Variants in MRTFA observed in about 807,000 individuals in gnomAD.
MRTFA encodes myocardin-related transcription factor A.
Under a neutral mutation model 83.5 loss-of-function variants are expected in MRTFA, and 20 were observed. The ratio of observed to expected loss-of-function variants is 0.24; its 90% CI spans 0.17 to 0.35. The LOEUF is 0.35. MRTFA is among the 10% of genes least tolerant of loss of function. The probability of loss-of-function intolerance (pLI) is 1.00; values close to 1 mark genes in which losing one functional copy is unlikely to be tolerated. For missense variants in MRTFA, 1,200 were observed against 1,224.7 expected (o/e 0.98, Z 0.30); for synonymous variants, 659 against 541.2 (o/e 1.22, Z -3.02).
At chr22:40,585,629 T>C (rs2056016831) in intron 2 of MRTFA, among the ~76,000 whole-genome samples, 1 of 152,136 alleles carries the variant, frequency 6.6e-6, no homozygotes, top group South Asian at 2.1e-4. Flanking sequence ...GAAGACAACA[T>C]GACCAGAATA....
chr22:40,461,092 T>C (rs2053701930), intron 4 of MRTFA, among the ~76,000 whole-genome samples: 1 of 150,762 alleles, frequency 6.6e-6, no homozygotes, highest in East Asian at 2.0e-4. Context: ...CCCAGGGCTA[T>C]TCAGGAGGCT....
intron 1 of MRTFA, among the ~76,000 whole-genome samples, chr22:40,632,517 C>T (rs1209730634): frequency 2.0e-5 from 3 of 152,038 alleles, no homozygotes; most frequent in African/African-American, 7.2e-5. Context: ...CTCACTGCAA[C>T]CTCCGCCTCC....
chr22:40,420,544 G>C lies in MRTFA; in HGVS notation c.1214C>G (p.Thr405Ser), dbSNP rs149008596. Residue 405 changes from threonine to serine, a missense_variant, in exon 11 of 15, where the codon ACC becomes AGC. This residue lies in a region of MRTFA where 1,107 missense variants were observed against 1,041.8 expected (regional missense o/e 1.06). Coordinates refer to ENST00000355630, the MANE Select transcript of MRTFA (RefSeq NM_020831.6). ...AGTGGAGAGGCTGCGTACTGGGGGG[G>C]TCCCGCTGCTTCCCAGGGCCTCGCC... 6.2e-7 allele frequency: 1 copy of C among 1,613,624 alleles called. No individual in the cohort carries two copies. Among genetic ancestry groups the C allele is most frequent in the Non-Finnish European group, 8.5e-7 (1 of 1,180,016 alleles).
chr22:40,453,856 T>A (rs2053539267), intron 4 of MRTFA, among the ~76,000 whole-genome samples: 2 of 152,224 alleles, frequency 1.3e-5, no homozygotes, highest in African/African-American at 4.8e-5. Context: ...CTTGGTAAGT[T>A]GCCCAGAAAT....
chr22:40,541,009 T>C (rs1350360845), intron 3 of MRTFA, among the ~76,000 whole-genome samples: 5 of 152,088 alleles, frequency 3.3e-5, no homozygotes, highest in Admixed American at 1.3e-4. Flanking sequence ...TTAGAACACA[T>C]ACTGAAGGTG....
intron 1 of MRTFA, among the ~76,000 whole-genome samples, chr22:40,612,360 T>C (rs533047039): frequency 6.6e-6 from 1 of 152,346 alleles, no homozygotes; most frequent in East Asian, 1.9e-4. Context: ...GGTACGTTAT[T>C]CAGCCACTCA....
rs1460053590 is a variant in MRTFA, at chr22:40,411,683, C to G, written c.2803G>C (p.Glu935Gln). ...AGGTCGTCAATGAGGGAAAGGGGCT[C>G]TGGCCCGTCATGCCCACTGGTCAGC... The change falls in exon 15 of 15, where the codon GAG (glutamate) becomes CAG (glutamine). Residue 935 changes from glutamate (E) to glutamine (Q), a missense_variant. Coordinates refer to ENST00000355630, the MANE Select transcript of MRTFA (RefSeq NM_020831.6). The G allele has an allele frequency of 8.7e-6, 14 of 1,603,700 alleles. No individual in the cohort carries two copies. Among genetic ancestry groups the G allele is most frequent in the Non-Finnish European group, 1.2e-5 (14 of 1,174,174 alleles).
rs186758352 is a variant in MRTFA, at chr22:40,472,634, A to G, written c.242-9348T>C. ...TAATTTAATAAACAATCATGTGAAC[A>G]CTTCTAGGAGGTGTCAACTCCCATC... On this transcript the variant is annotated intron_variant, in intron 3 of 14. Transcript: ENST00000355630. 2.6e-5 allele frequency among the ~76,000 whole-genome samples: 4 copies of G among 152,346 alleles called. No homozygotes were observed. In the East Asian group the frequency reaches 7.7e-4, roughly 29 times the overall value.
In MRTFA at chr22:40,431,394, A is replaced by C; in HGVS notation, c.439+11T>G. The C allele has an allele frequency of 6.2e-7, 1 of 1,613,362 alleles. No homozygotes were observed. Among genetic ancestry groups the C allele is most frequent in the East Asian group, 2.2e-5 (1 of 44,870 alleles). ...TGGATCTAGATGGAAAAGCAATTCC[A>C]ATCTCCACACCTTCCAAAATGTGCA... On this transcript the variant is annotated intron_variant, in intron 6 of 14. Transcript: ENST00000355630.
chr22:40,543,942 A>G (rs1481830982), intron 3 of MRTFA, among the ~76,000 whole-genome samples: 2 of 152,224 alleles, frequency 1.3e-5, no homozygotes, highest in Non-Finnish European at 2.9e-5. Context: ...GGCTTATTAC[A>G]GTTATCGTAA....
chr22:40,555,063 T>C (rs949640536), intron 2 of MRTFA, among the ~76,000 whole-genome samples: 1 of 152,254 alleles, frequency 6.6e-6, no homozygotes, highest in Non-Finnish European at 1.5e-5. Context: ...GTATCCCCAT[T>C]GTATCTTGGA....
chr22:40,464,508 A>G (rs2053780748), intron 3 of MRTFA, among the ~76,000 whole-genome samples: 1 of 140,886 alleles, frequency 7.1e-6, no homozygotes, highest in Non-Finnish European at 1.6e-5. Context: ...GACCCCGTCT[A>G]AAAAAAAAAA....
chr22:40,505,535 A>G (rs780554618), intron 3 of MRTFA, among the ~76,000 whole-genome samples: 35 of 152,378 alleles, frequency 2.3e-4, no homozygotes, highest in Middle Eastern at 3.4e-3. Context: ...CTGTTCAATA[A>G]GTAATGCCAT....
At chr22:40,490,821 T>C (rs553546237) in intron 3 of MRTFA, among the ~76,000 whole-genome samples, 4 of 152,318 alleles carry the variant, frequency 2.6e-5, no homozygotes, top group African/African-American at 9.6e-5. Context: ...ATACATTGTA[T>C]ATAAATTCTG....
At chr22:40,613,301 T>C (rs1569352640) in intron 1 of MRTFA, among the ~76,000 whole-genome samples, 1 of 152,230 alleles carries the variant, frequency 6.6e-6, no homozygotes, top group African/African-American at 2.4e-5. Flanking sequence ...GCTATGAACA[T>C]TCACATGGTT....
intron 3 of MRTFA, among the ~76,000 whole-genome samples, chr22:40,464,591 C>A (rs2053782620): frequency 6.6e-6 from 1 of 152,020 alleles, no homozygotes; most frequent in African/African-American, 2.4e-5. Context: ...AGCCTCCTTA[C>A]ATAATTAAGT....
chr22:40,417,253 C>A, intron 13 of MRTFA, 88 bp downstream of exon 13: 1 of 1,531,296 alleles, frequency 6.5e-7, no homozygotes, highest in East Asian at 2.4e-5. Context: ...CGCCTGCCCC[C>A]TATTCCTCCG....
chr22:40,596,278 TAAAAG>T (rs1180098014), intron 1 of MRTFA, among the ~76,000 whole-genome samples: 4 of 151,938 alleles, frequency 2.6e-5, no homozygotes, highest in African/African-American at 4.8e-5. Flanking sequence ...GAAAGAAAGA[TAAAAG>T]AAAATAAATT....
intron 3 of MRTFA, among the ~76,000 whole-genome samples, chr22:40,470,231 TTATATATATATATATA>T (rs71328709): frequency 0.11 from 5,077 of 45,558 alleles, 391 homozygotes; most frequent in Non-Finnish European, 0.13. Context: ...CTCCAAAATT[TTATATATATATATATA>T]TATATATATA....
Sources: gnomAD v4.1 joint callset for allele counts (sites outside exome capture counted in the v4.1 genomes callset) on GRCh38, gnomAD v4.1.1 for gene constraint, gnomAD v4.1.1 regional missense constraint, MANE v1.5 for transcripts, NCBI Gene and HGNC (gene_info 2026-07-23, HGNC 2026-07-21) for gene names.